The following PLAC1 variants were observed in gnomAD, a reference collection of about 807,000 sequenced individuals.
PLAC1 encodes placenta associated 1.
For synonymous variants in PLAC1, 68 were observed against 62.1 expected (o/e 1.09, Z -0.44); for missense variants, 136 against 163.2 (o/e 0.83, Z 0.91).
At chrX:134,735,918 T>C (rs1162781230) in intron 1 of PLAC1, among the ~76,000 whole-genome samples, 1 of 98,491 alleles carries the variant, frequency 1.0e-5, no homozygotes, top group African/African-American at 3.8e-5. Context: ...GGGCAGTGGG[T>C]AAGTTCAGAG....
intron 2 of PLAC1, among the ~76,000 whole-genome samples, chrX:134,676,308 C>A (rs1233457139): frequency 9.0e-6 from 1 of 111,151 alleles, no homozygotes; most frequent in Non-Finnish European, 1.9e-5. Context: ...CCTGCCGAGG[C>A]CTGGTGCACT....
chrX:134,592,735 T>C (rs1338347776), intron 2 of PLAC1, among the ~76,000 whole-genome samples: 1 of 98,915 alleles, frequency 1.0e-5, no homozygotes, highest in Non-Finnish European at 2.1e-5. Context: ...TTTTTTTTTT[T>C]TTTTTTGAGA....
intron 2 of PLAC1, among the ~76,000 whole-genome samples, chrX:134,704,836 T>C (rs1375288818): frequency 1.0e-5 from 1 of 100,147 alleles, no homozygotes; most frequent in Non-Finnish European, 2.0e-5. Context: ...ACCAAAAAAA[T>C]ACAAAAATTA....
intron 1 of PLAC1, among the ~76,000 whole-genome samples, chrX:134,651,608 C>T (rs2078363346): frequency 1.8e-5 from 2 of 111,604 alleles, no homozygotes; most frequent in Non-Finnish European, 3.8e-5. Flanking sequence ...TATCAAGATG[C>T]GGAGCTGTCA....
chrX:134,589,662 G>C (rs1191089005), intron 2 of PLAC1, among the ~76,000 whole-genome samples: 1 of 101,685 alleles, frequency 9.8e-6, no homozygotes, highest in African/African-American at 3.6e-5. Context: ...GGGAGGCAGA[G>C]GTTTCAGTGA....
intron 1 of PLAC1, among the ~76,000 whole-genome samples, chrX:134,617,903 A>G (rs1479660865): frequency 8.9e-6 from 1 of 112,357 alleles, no homozygotes; most frequent in African/African-American, 3.2e-5. Flanking sequence ...AAACTTCTGG[A>G]CCTGCTTGTA....
At chrX:134,594,391 G>A (rs910060017) in intron 2 of PLAC1, among the ~76,000 whole-genome samples, 1 of 111,044 alleles carries the variant, frequency 9.0e-6, no homozygotes, top group South Asian at 3.8e-4. Flanking sequence ...TTAGTATCAG[G>A]GTAATATGAG....
intron 1 of PLAC1, chrX:134,604,374 C>T (rs1166267921): frequency 8.9e-6 from 1 of 112,471 alleles, no homozygotes; most frequent in African/African-American, 3.2e-5. Flanking sequence ...ACTGACTTCC[C>T]CTTTTGTGTG....
intron 2 of PLAC1, among the ~76,000 whole-genome samples, chrX:134,696,029 CT>C (rs992305163): frequency 1.8e-5 from 2 of 110,595 alleles, no homozygotes; most frequent in African/African-American, 6.6e-5. Context: ...TAAACAATGA[CT>C]TTTTTTGGTA....
At chrX:134,647,099 C>A (rs1378120879) in intron 1 of PLAC1, among the ~76,000 whole-genome samples, 1 of 111,752 alleles carries the variant, frequency 8.9e-6, no homozygotes, top group Admixed American at 9.5e-5. Flanking sequence ...ACCTGAGAAG[C>A]AAAGCTATGG....
chrX:134,751,483 A>G (rs953185539), intron 1 of PLAC1, among the ~76,000 whole-genome samples: 2 of 111,660 alleles, frequency 1.8e-5, no homozygotes, highest in Admixed American at 1.9e-4. Flanking sequence ...TGAATGCTGC[A>G]TTCCTTTCTT....
At chrX:134,740,030 C>A (rs2078712891) in intron 1 of PLAC1, among the ~76,000 whole-genome samples, 2 of 111,958 alleles carry the variant, frequency 1.8e-5, no homozygotes, top group African/African-American at 6.5e-5. Flanking sequence ...GTGATAAAGT[C>A]ATTCAGGCTG....
chrX:134,723,308 C>CT (rs150713448), intron 2 of PLAC1, among the ~76,000 whole-genome samples: 3,327 of 96,313 alleles, frequency 0.035, 149 homozygotes, highest in Admixed American at 0.13. Context: ...AATTGTATTA[C>CT]TTTTTTTTTT....
chrX:134,634,200 T>C (rs890318520), intron 1 of PLAC1, among the ~76,000 whole-genome samples: 3 of 112,081 alleles, frequency 2.7e-5, no homozygotes, highest in South Asian at 7.5e-4. Flanking sequence ...TTTGCACTTA[T>C]GAGGCATTTG....
chrX:134,673,223 GA>G (rs1372461697), intron 2 of PLAC1, among the ~76,000 whole-genome samples: 1 of 105,489 alleles, frequency 9.5e-6, no homozygotes, highest in African/African-American at 3.5e-5. Flanking sequence ...GGAGGAGAAG[GA>G]AAGGAAAGAA....
chrX:134,609,597 C>A (rs1332527019), intron 1 of PLAC1, among the ~76,000 whole-genome samples: 5 of 112,240 alleles, frequency 4.5e-5, no homozygotes, highest in African/African-American at 1.6e-4. Context: ...TCTGCTCAGG[C>A]CACCATAGCA....
intron 1 of PLAC1, among the ~76,000 whole-genome samples, chrX:134,625,295 C>T (rs191540579): frequency 1.5e-3 from 168 of 112,266 alleles, no homozygotes; most frequent in African/African-American, 5.2e-3. Context: ...CACAGAATCA[C>T]TTTTGAAGAT....
chrX:134,573,932 G>C (rs963525549), intron 2 of PLAC1, among the ~76,000 whole-genome samples: 1 of 111,833 alleles, frequency 8.9e-6, no homozygotes, highest in Non-Finnish European at 1.9e-5. Flanking sequence ...TTTAGAAAAG[G>C]TTCCTTTGAT....
At chrX:134,696,176 C>A (rs2078562288) in intron 2 of PLAC1, among the ~76,000 whole-genome samples, 4 of 111,839 alleles carry the variant, frequency 3.6e-5, no homozygotes, top group Admixed American at 2.9e-4. Flanking sequence ...CTGGAGCCTG[C>A]ACTTTCCAAG....
Sources: allele counts gnomAD v4.1 joint callset (sites outside exome capture counted in the v4.1 genomes callset), GRCh38; gene constraint gnomAD v4.1.1; transcripts MANE v1.5; gene names NCBI Gene and HGNC (gene_info 2026-07-23, HGNC 2026-07-21).